Variants in VWA7 observed in about 807,000 individuals in gnomAD.
VWA7 encodes the protein von Willebrand factor A domain containing 7.
A neutral mutation model predicts 83.1 loss-of-function variants in VWA7; 66 were observed. The observed-to-expected ratio is 0.79, with a 90% confidence interval of 0.65 to 0.98. The LOEUF (loss-of-function observed/expected upper bound fraction) is 0.98. Among genes scored for constraint, VWA7 ranks in the 50% least tolerant of loss-of-function variants. The pLI, the probability that VWA7 is intolerant of heterozygous loss-of-function variation, is 0.00. For missense variants in VWA7, 1,080 were observed against 1,160.2 expected (o/e 0.93, Z 1.00); for synonymous variants, 424 against 488.5 (o/e 0.87, Z 1.74).
At chr6:31,772,583 T>G (rs1222712604) in intron 7 of VWA7, among the ~76,000 whole-genome samples, 4 of 124,118 alleles carry the variant, frequency 3.2e-5, no homozygotes, top group Non-Finnish European at 1.7e-5. Flanking sequence ...TTCTTTCTTT[T>G]CTTTTTTTTT....
intron 5 of VWA7, among the ~76,000 whole-genome samples, chr6:31,774,155 A>AG (rs1491528747): frequency 1.5e-5 from 1 of 65,450 alleles, no homozygotes; most frequent in Non-Finnish European, 3.3e-5. Context: ...ACTCCATCTC[A>AG]AAAAAAAAAA....
In VWA7 at chr6:31,769,968, G is replaced by C; in HGVS notation, c.1200+33C>G. 6.2e-7 allele frequency: 1 copy of C among 1,601,498 alleles called. No homozygotes were observed. The highest frequency in any genetic ancestry group is 8.5e-7 in the Non-Finnish European group (1 of 1,170,028). On this transcript the variant is annotated intron_variant, in intron 8 of 16. Transcript: ENST00000375688. The surrounding 1 kb of genome is among the most constrained non-coding windows in gnomAD (Gnocchi z 4.5). ...GGATCTAGCTCCCCCTGGTGGTGGG[G>C]CCAGGAAACGGGGAAGAAGGGAGGG... is the stretch of plus-strand genomic sequence containing the variant.
chr6:31,774,739 G>A, intron 4 of VWA7, 113 bp from the exon 5 acceptor site: 1 of 813,220 alleles, frequency 1.2e-6, no homozygotes, highest in Non-Finnish European at 1.9e-6. Flanking sequence ...CGAACACCCA[G>A]AAGTTCCCTA....
At chr6:31,774,368 A>G in intron 5 of VWA7, 148 bp downstream of exon 5, 4 of 696,422 alleles carry the variant, frequency 5.7e-6, no homozygotes, top group African/African-American at 1.8e-5. Context: ...CAGCCTCCTC[A>G]GGGGACTTTC....
At position 31,765,888 on chromosome 6, in the gene VWA7, G is replaced by A. The variant is rs1179973857; in HGVS notation, c.2494C>T (p.Pro832Ser). 6.2e-7 allele frequency: 1 copy of A among 1,613,106 alleles called. No homozygotes were observed. Among genetic ancestry groups the A allele is most frequent in the South Asian group, 1.1e-5 (1 of 91,082 alleles). Residue 832 changes from proline to serine, a missense_variant, in exon 16 of 17, where the codon CCG becomes TCG. Coordinates refer to ENST00000375688, the MANE Select transcript of VWA7 (RefSeq NM_025258.3). ...FLRLLVSAPA[P>S]QDRHTTPTGS... Reference sequence around the variant, plus strand: ...GGAAAGTAGTGGTTCCTCACCTGCGGGGCTGGGGCCGATACCAGGAGCCGG... The same window carrying A: ...GGAAAGTAGTGGTTCCTCACCTGCGAGGCTGGGGCCGATACCAGGAGCCGG...
In VWA7 at chr6:31,765,705, G is replaced by A. The variant is rs1383022191; in HGVS notation, c.2565C>T (p.Ser855=). The change falls in exon 17 of 17, where the codon TCC becomes TCT. Residue 855 remains serine, a synonymous_variant. Coordinates refer to ENST00000375688, the MANE Select transcript of VWA7 (RefSeq NM_025258.3). ...PILTTATPAF[S]PFTLVTQGRA... Reference sequence around the variant, plus strand: ...TGCCTTGAGTCACCAATGTGAAGGGGGAAAAGGCAGGGGTGGCCGTGGTGA... The same window carrying A: ...TGCCTTGAGTCACCAATGTGAAGGGAGAAAAGGCAGGGGTGGCCGTGGTGA... 1.9e-6 allele frequency: 3 copies of A among 1,597,734 alleles called. No individual in the cohort carries two copies. In the African/African-American group the frequency reaches 4.0e-5, roughly 21 times the overall value.
chr6:31,770,652 G>C (rs1812090673), intron 7 of VWA7, among the ~76,000 whole-genome samples: 5 of 151,264 alleles, frequency 3.3e-5, no homozygotes, highest in Admixed American at 3.3e-4. Context: ...AGGTGTCCCT[G>C]GTGGGAAGGT....
chr6:31,770,043 C>G lies in VWA7; in HGVS notation c.1158G>C (p.Leu386Phe), dbSNP rs571937790. The part of the protein sequence containing the change: ...FWQQLNEIHA[L>F]GGGDEPEMCL... ...ACATCTCAGGCTCGTCTCCACCCCC[C>G]AAGGCATGGATCTCATTAAGCTGTT... The change falls in exon 8 of 17, where the codon TTG (leucine) becomes TTC (phenylalanine). Residue 386 changes from leucine (L) to phenylalanine (F), a missense_variant. Transcript: ENST00000375688. 12 of 1,612,734 alleles carry G rather than the reference C, an allele frequency of 7.4e-6. No individual in the cohort carries two copies. In the African/African-American group the frequency reaches 1.5e-4, roughly 20 times the overall value.
rs144453409 is a variant in VWA7, at chr6:31,766,313, C to G, written c.2256G>C (p.Ser752=). 3 of 1,611,618 alleles carry G rather than the reference C, an allele frequency of 1.9e-6. No individual in the cohort carries two copies. The African/African-American group carries it at 4.0e-5, about 22-fold the overall frequency. Residue 752 remains serine (S), a synonymous_variant, in exon 15 of 17, where the codon TCG becomes TCC. Transcript: ENST00000375688. This position sits in a 1 kb window ranked among gnomAD's most constrained non-coding sequence, Gnocchi z 4.9. The stretch of plus-strand genomic sequence containing the variant: ...TCCTAAGGTCAAGATCCTGAGGGCC[C>G]GAGAAGCTGGCGATGCGGAGACTGA... ...VPLSLRIASF[S]GPQDLDLRTF...
rs924001083 is a variant in VWA7, at chr6:31,776,653, T to C, written c.127A>G (p.Ile43Val). 3.9e-6 allele frequency: 6 copies of C among 1,544,874 alleles called. No homozygotes were observed. Among genetic ancestry groups the C allele is most frequent in the African/African-American group, 1.4e-5 (1 of 72,662 alleles). Residue 43 changes from isoleucine to valine, a missense_variant, in exon 2 of 17, where the codon ATC becomes GTC. Physicochemically the swap from Ile to Val is conservative, Grantham distance 29. Coordinates refer to ENST00000375688, the MANE Select transcript of VWA7 (RefSeq NM_025258.3). This position sits in a 1 kb window ranked among gnomAD's most constrained non-coding sequence, Gnocchi z 6.2. The part of the protein sequence containing the change: ...IWSLLAAPGS[I>V]THQDLTEEAA... Reference sequence around the variant, plus strand: ...TCCTCAGTTAGGTCTTGGTGGGTGATGGAGCCAGGGGCAGCCAGCAGGCTC... The same window carrying C: ...TCCTCAGTTAGGTCTTGGTGGGTGACGGAGCCAGGGGCAGCCAGCAGGCTC...
rs142451891 is a variant in VWA7 at position 31,769,443 on chromosome 6, A to G, written c.1317+232T>C. Among the ~76,000 whole-genome samples, 489 of 152,328 alleles carry G rather than the reference A, an allele frequency of 3.2e-3. 1 individual carries two copies. Among genetic ancestry groups the G allele is most frequent in the African/African-American group, 0.011 (456 of 41,574 alleles). ...GGCGACTAGAGCCCCAGTTCTTCACATTGTTTATTAGGCAGGGTCAAATAA... is the reference window on the plus strand; with the variant it reads ...GGCGACTAGAGCCCCAGTTCTTCACGTTGTTTATTAGGCAGGGTCAAATAA... On this transcript the variant is annotated intron_variant, in intron 9 of 16. Transcript: ENST00000375688. The surrounding 1 kb of genome is among the most constrained non-coding windows in gnomAD (Gnocchi z 4.5).
rs912458514 is a variant in VWA7, at chr6:31,775,749, C to G, written c.513+215G>C. ...CAGCCTTCCTCTCTCACCCTCACTTCTCTCCAGCCACAGCGCCCTCCTTGC... is the reference window on the plus strand; with the variant it reads ...CAGCCTTCCTCTCTCACCCTCACTTGTCTCCAGCCACAGCGCCCTCCTTGC... On this transcript the variant is annotated intron_variant, in intron 3 of 16. Coordinates refer to ENST00000375688, the MANE Select transcript of VWA7 (RefSeq NM_025258.3). This position sits in a 1 kb window ranked among gnomAD's most constrained non-coding sequence, Gnocchi z 5.9. Among the ~76,000 whole-genome samples the G allele has an allele frequency of 6.6e-6, 1 of 152,246 alleles. No individual in the cohort carries two copies. Among genetic ancestry groups the G allele is most frequent in the Non-Finnish European group, 1.5e-5 (1 of 68,042 alleles).
In VWA7 at chr6:31,772,969, G is replaced by T. The variant is rs1296907739; in HGVS notation, c.1072C>A (p.Pro358Thr). The T allele has an allele frequency of 6.5e-7, 1 of 1,535,260 alleles. No individual in the cohort carries two copies. Among genetic ancestry groups the T allele is most frequent in the Non-Finnish European group, 8.9e-7 (1 of 1,117,328 alleles). Reference protein sequence around the residue: ...PMEPVHYVLVPFHDPGFGPVF... With the variant: ...PMEPVHYVLVTFHDPGFGPVF... Reference sequence around the variant, plus strand: ...CCACACTTACCTGGGTCATGAAAAGGCACCAGGACATAGTGGACAGGCTCC... The same window carrying T: ...CCACACTTACCTGGGTCATGAAAAGTCACCAGGACATAGTGGACAGGCTCC... Residue 358 changes from proline (P) to threonine (T), a missense_variant, in exon 7 of 17, where the codon CCT (proline) becomes ACT (threonine). Pro to Thr is a conservative substitution (Grantham distance 38). Transcript: ENST00000375688.
In VWA7 at chr6:31,766,329, C is replaced by A. The variant is rs1243083367; in HGVS notation, c.2240G>T (p.Arg747Leu). Residue 747 changes from arginine (R) to leucine (L), a missense_variant, in exon 15 of 17, where the codon CGC becomes CTC. Physicochemically the swap from Arg to Leu is moderately radical, Grantham distance 102. Coordinates refer to ENST00000375688, the MANE Select transcript of VWA7 (RefSeq NM_025258.3). This position sits in a 1 kb window ranked among gnomAD's most constrained non-coding sequence, Gnocchi z 4.9. ...APGSKVPLSL[R>L]IASFSGPQDL... Reference sequence around the variant, plus strand: ...CTGAGGGCCCGAGAAGCTGGCGATGCGGAGACTGAGCGGGACTTTGCTGCC... The same window carrying A: ...CTGAGGGCCCGAGAAGCTGGCGATGAGGAGACTGAGCGGGACTTTGCTGCC... 2.5e-6 allele frequency: 4 copies of A among 1,610,306 alleles called. No individual in the cohort carries two copies. The highest frequency in any genetic ancestry group is 2.7e-5 in the African/African-American group (2 of 74,908).
chr6:31,768,075 G>A (rs1454563165), intron 10 of VWA7, among the ~76,000 whole-genome samples: 2 of 146,570 alleles, frequency 1.4e-5, no homozygotes, highest in African/African-American at 5.0e-5. Context: ...AACAGGCAGA[G>A]GCTGCAGTGA....
Position 31,770,065 on chromosome 6 carries a change from T to C in VWA7, c.1136A>G (p.Gln379Arg), listed in dbSNP as rs1217275812. ...TTSDPDSFWQ[Q>R]LNEIHALGGG... is the part of the protein sequence containing the mutation. Reference sequence around the variant, plus strand: ...CCCCAAGGCATGGATCTCATTAAGCTGTTGCCAGAAGCTGTCAGGGTCACT... The same window carrying C: ...CCCCAAGGCATGGATCTCATTAAGCCGTTGCCAGAAGCTGTCAGGGTCACT... The change falls in exon 8 of 17, where the codon CAG (glutamine) becomes CGG (arginine). Residue 379 changes from glutamine (Q) to arginine (R), a missense_variant. By Grantham distance (43) the Gln-to-Arg change is conservative. Transcript: ENST00000375688. 1.2e-6 allele frequency: 2 copies of C among 1,612,860 alleles called. No individual in the cohort carries two copies. Among genetic ancestry groups the C allele is most frequent in the South Asian group, 1.1e-5 (1 of 91,080 alleles).
chr6:31,774,322 G>A (rs190489495), intron 5 of VWA7, among the ~76,000 whole-genome samples, 194 bp downstream of exon 5: 6 of 152,076 alleles, frequency 3.9e-5, no homozygotes, highest in African/African-American at 7.2e-5. Context: ...TCCTATCAGC[G>A]GAGGAAGAAG....
rs768675204 is a variant in VWA7 at position 31,774,031 on chromosome 6, G to T, written c.721+485C>A. On this transcript the variant is annotated intron_variant, in intron 5 of 16. Coordinates refer to ENST00000375688, the MANE Select transcript of VWA7 (RefSeq NM_025258.3). ...TAGCCGGGCGTGGTGGCACATGCCCGTAATCCCAGCTACTCGGGAGGCTGA... is the reference window on the plus strand; with the variant it reads ...TAGCCGGGCGTGGTGGCACATGCCCTTAATCCCAGCTACTCGGGAGGCTGA... 7.3e-5 allele frequency among the ~76,000 whole-genome samples: 11 copies of T among 150,594 alleles called. No individual in the cohort carries two copies. In the Admixed American group the frequency reaches 7.3e-4, roughly 10 times the overall value.
In VWA7 at chr6:31,776,210, G is replaced by A. The variant is rs748147873; in HGVS notation, c.267C>T (p.Ala89=). 12 of 1,613,888 alleles carry A rather than the reference G, an allele frequency of 7.4e-6. No homozygotes were observed. The highest frequency in any genetic ancestry group is 1.3e-5 in the African/African-American group (1 of 74,910). Reference sequence around the variant, plus strand: ...GAGAAGAACCAGGTCCAAAGTAGGCGGCAAAGAGGTCATCAGCAAGGAGTG... The same window carrying A: ...GAGAAGAACCAGGTCCAAAGTAGGCAGCAAAGAGGTCATCAGCAAGGAGTG... ...GRTLLADDLF[A]AYFGPGSSRR... is the part of the protein sequence containing the mutation. The change falls in exon 3 of 17, where the codon GCC becomes GCT. Residue 89 remains alanine, a synonymous_variant. Coordinates refer to ENST00000375688, the MANE Select transcript of VWA7 (RefSeq NM_025258.3). This position sits in a 1 kb window ranked among gnomAD's most constrained non-coding sequence, Gnocchi z 6.2.
Sources: gnomAD v4.1 joint callset for allele counts (sites outside exome capture counted in the v4.1 genomes callset) on GRCh38, gnomAD v4.1.1 for gene constraint, Gnocchi (gnomAD v3.1) non-coding constraint, MANE v1.5 for transcripts, NCBI Gene and HGNC (gene_info 2026-07-23, HGNC 2026-07-21) for gene names.